ADGRG1: variants seen among roughly 807,000 people sequenced by gnomAD.
The protein encoded by ADGRG1 is adhesion G protein-coupled receptor G1.
Under a neutral mutation model 73.5 loss-of-function variants are expected in ADGRG1, and 53 were observed. The ratio of observed to expected loss-of-function variants is 0.72; its 90% confidence interval spans 0.58 to 0.91. The LOEUF is 0.91. Ranked by LOEUF, ADGRG1 falls within the 40% of genes least tolerant of loss-of-function variation. ADGRG1 has a pLI of 0.00. For missense variants in ADGRG1, 795 were observed against 871.8 expected (o/e 0.91, Z 1.11); for synonymous variants, 394 against 374.4 (o/e 1.05, Z -0.60).
intron 1 of ADGRG1, chr16:57,642,470 A>T (rs1446344718): frequency 2.8e-5 from 28 of 985,262 alleles, no homozygotes; most frequent in Non-Finnish European, 3.4e-5. Flanking sequence ...TGGCGTCAAG[A>T]TTTCTGAGAG....
At chr16:57,647,559 C>A in intron 1 of ADGRG1, 1 of 543,312 alleles carries the variant, frequency 1.8e-6, no homozygotes, top group Non-Finnish European at 2.4e-6. Flanking sequence ...TTCTTCTTTA[C>A]TAGTGAGGAA....
rs2045599106 is a variant in ADGRG1, at chr16:57,655,939, G to A, written c.964G>A (p.Val322Ile). 2 of 1,614,182 alleles carry A rather than the reference G, an allele frequency of 1.2e-6. No individual in the cohort carries two copies. The highest frequency in any genetic ancestry group is 1.7e-6 in the Non-Finnish European group (2 of 1,180,030). The change falls in exon 7 of 14, where the codon GTA (valine) becomes ATA (isoleucine). Residue 322 changes from valine (V) to isoleucine (I), a missense_variant. Transcript: ENST00000562631. The stretch of plus-strand genomic sequence containing the variant: ...GGGGATTGTGGTACAGAACACCAAA[G>A]TAGCCAACCTCACGGAGCCCGTGGT... ...VLGIVVQNTKVANLTEPVVLT... is the reference protein window; with the variant it reads ...VLGIVVQNTKIANLTEPVVLT...
chr16:57,644,318 A>G (rs1253950362), intron 1 of ADGRG1: 1 of 454,990 alleles, frequency 2.2e-6, no homozygotes, highest in Non-Finnish European at 2.9e-6. Context: ...CATGCACACA[A>G]GGACATTCAT....
upstream of ADGRG1, chr16:57,623,710 G>A (rs1028943366): frequency 9.3e-6 from 7 of 752,666 alleles, no homozygotes; most frequent in South Asian, 6.0e-5. Flanking sequence ...TTGTGAAGGC[G>A]GCTGAGTCAC....
chr16:57,624,836 G>A (rs764782381), upstream of ADGRG1: 40 of 347,108 alleles, frequency 1.2e-4, no homozygotes, highest in Middle Eastern at 4.4e-3. Context: ...GAATAACAGT[G>A]CCCTGGCCAA....
chr16:57,632,046 T>C (rs2038090651), intron 1 of ADGRG1: 2 of 985,506 alleles, frequency 2.0e-6, no homozygotes, highest in Non-Finnish European at 2.4e-6. Flanking sequence ...GGACCTTCCC[T>C]GACCTCAGAT....
rs763184108 is a variant in ADGRG1 at position 57,657,397 on chromosome 16, G to A, written c.1192G>A (p.Val398Met). ...LMVSSVEVDA[V>M]HKHYLSLLSY... ...GGTCTCCTCGGTGGAGGTGGACGCCGTGCACAAGCACTACCTGAGCCTCCT... is the reference window on the plus strand; with the variant it reads ...GGTCTCCTCGGTGGAGGTGGACGCCATGCACAAGCACTACCTGAGCCTCCT... Residue 398 changes from valine to methionine, a missense_variant, in exon 10 of 14, where the codon GTG (valine) becomes ATG (methionine). By Grantham distance (21) the Val-to-Met change is conservative (BLOSUM62 1). Coordinates refer to ENST00000562631, the MANE Select transcript of ADGRG1 (RefSeq NM_201525.4). 6.2e-6 allele frequency: 10 copies of A among 1,613,876 alleles called. No individual in the cohort carries two copies. The highest frequency in any genetic ancestry group is 4.4e-5 in the South Asian group (4 of 91,084).
rs753525212 is a variant in ADGRG1, at chr16:57,661,801, T to G, written c.1769T>G (p.Ile590Ser). 1 of 1,614,140 alleles carries G rather than the reference T, an allele frequency of 6.2e-7. No individual in the cohort carries two copies. The highest frequency in any genetic ancestry group is 8.5e-7 in the Non-Finnish European group (1 of 1,180,044). Residue 590 changes from isoleucine to serine, a missense_variant, in exon 13 of 14, where the codon ATC becomes AGC. Ile to Ser is a moderately radical substitution (Grantham distance 142). Transcript: ENST00000562631. ...ATGCTAGCCACCATGGTGGTGCAGA[T>G]CCTGCGGCTGCGCCCCCACACCCAA... ...MAMLATMVVQ[I>S]LRLRPHTQKW...
intron 1 of ADGRG1, chr16:57,634,397 A>G: frequency 1.0e-6 from 1 of 985,304 alleles, no homozygotes; most frequent in Non-Finnish European, 1.2e-6. Context: ...CTGCTGTGTC[A>G]CCATCTGGGC....
chr16:57,641,482 C>T (rs1237855193), intron 1 of ADGRG1: 1 of 985,116 alleles, frequency 1.0e-6, no homozygotes, highest in Admixed American at 6.2e-5. Context: ...GAGGTCCCTT[C>T]AAGACAGGCT....
At chr16:57,638,492 G>A (rs1288037322) in intron 1 of ADGRG1, among the ~76,000 whole-genome samples, 3 of 152,280 alleles carry the variant, frequency 2.0e-5, no homozygotes, top group East Asian at 3.9e-4. Context: ...CCCGCCCCGG[G>A]AGCTCTAGAA....
At chr16:57,626,729 G>A (rs2035909146), upstream of ADGRG1, 1 of 985,426 alleles carries the variant, frequency 1.0e-6, no homozygotes, top group Non-Finnish European at 1.2e-6. Flanking sequence ...TGTGGTGGTG[G>A]TGGTGGGGGG....
intron 2 of ADGRG1, chr16:57,650,628 T>C (rs1460525140): frequency 6.5e-6 from 1 of 153,632 alleles, no homozygotes; most frequent in Non-Finnish European, 1.4e-5. Flanking sequence ...ACCGTCTATG[T>C]CAGCCATGGC....
At chr16:57,658,713 G>A (rs1276141722) in intron 10 of ADGRG1, among the ~76,000 whole-genome samples, 2 of 152,210 alleles carry the variant, frequency 1.3e-5, no homozygotes, top group Non-Finnish European at 2.9e-5. Context: ...GGAACCCTTA[G>A]GAACTGAGCA....
chr16:57,629,767 G>C (rs1264731502), intron 1 of ADGRG1, among the ~76,000 whole-genome samples: 1 of 152,158 alleles, frequency 6.6e-6, no homozygotes, highest in African/African-American at 2.4e-5. Context: ...CATCTGCCTG[G>C]CACTGATAGG....
At chr16:57,645,120 G>A (rs931362482) in intron 1 of ADGRG1, 2 of 984,078 alleles carry the variant, frequency 2.0e-6, no homozygotes, top group African/African-American at 1.8e-5. Flanking sequence ...CCTGCCGCCC[G>A]ACCCCCTGGG....
At chr16:57,630,455 C>T (rs2037490563) in intron 1 of ADGRG1, 1 of 985,572 alleles carries the variant, frequency 1.0e-6, no homozygotes, top group African/African-American at 1.7e-5. Context: ...CCTCTCGCCT[C>T]AGGAGCTCAG....
chr16:57,637,475 T>G, intron 1 of ADGRG1: 3 of 985,278 alleles, frequency 3.0e-6, no homozygotes, highest in Non-Finnish European at 3.6e-6. Context: ...TCCCCCCAGG[T>G]CCCCTGAACC....
intron 1 of ADGRG1, chr16:57,631,229 G>T: frequency 1.0e-6 from 1 of 986,574 alleles, no homozygotes. Flanking sequence ...GTTGGTGTAG[G>T]GGTTGGCCTC....
Sources: allele counts gnomAD v4.1 joint callset (sites outside exome capture counted in the v4.1 genomes callset), GRCh38; gene constraint gnomAD v4.1.1; transcripts MANE v1.5; gene names NCBI Gene and HGNC (gene_info 2026-07-23, HGNC 2026-07-21).